The following PTPRN2 variants were observed in gnomAD, a reference collection of about 807,000 sequenced individuals.
PTPRN2 encodes the protein receptor-type tyrosine-protein phosphatase N2.
In PTPRN2, 74 loss-of-function variants were observed where a neutral mutation model predicts 118.8. The observed-to-expected ratio is 0.62, with a 90% confidence interval of 0.52 to 0.76. PTPRN2 has a LOEUF of 0.76. Among genes scored for constraint, PTPRN2 ranks in the 30% least tolerant of loss-of-function variants. PTPRN2 has a pLI of 0.00. For missense variants in PTPRN2, 1,481 were observed against 1,394.4 expected (o/e 1.06, Z -0.99); for synonymous variants, 641 against 608.0 (o/e 1.05, Z -0.80).
intron 11 of PTPRN2, among the ~76,000 whole-genome samples, chr7:157,943,397 C>T (rs1800268175): frequency 6.6e-6 from 1 of 152,136 alleles, no homozygotes; most frequent in South Asian, 2.1e-4. Flanking sequence ...CCTTTAAATT[C>T]AGTGACAGCC....
chr7:157,888,642 T>C (rs577960641), intron 12 of PTPRN2, among the ~76,000 whole-genome samples: 1 of 151,678 alleles, frequency 6.6e-6, no homozygotes, highest in African/African-American at 2.4e-5. Context: ...CTTTGTCATG[T>C]ACTGGCCTAC....
chr7:157,697,748 C>CATCTACCCAT (rs1797869568), intron 12 of PTPRN2, among the ~76,000 whole-genome samples: 1 of 142,478 alleles, frequency 7.0e-6, no homozygotes, highest in Non-Finnish European at 1.5e-5. Flanking sequence ...GAGCCCTCAC[C>CATCTACCCAT]GTCTACCCAT....
rs534750163 is a variant in PTPRN2 at position 158,149,411 on chromosome 7, A to T, written c.911-10896T>A. Among the ~76,000 whole-genome samples, 31 of 152,064 alleles carry T rather than the reference A, an allele frequency of 2.0e-4. 1 individual carries two copies. The South Asian group carries it at 5.8e-3, about 29-fold the overall frequency. ...TCAGTATAAACTCTTAAAACATAAA[A>T]TGTATAAGATGTTACCTTTTCTCAA... On this transcript the variant is annotated intron_variant, in intron 6 of 22. Coordinates refer to ENST00000389418, the MANE Select transcript of PTPRN2 (RefSeq NM_002847.5).
chr7:158,305,131 C>G (rs1026023138), intron 3 of PTPRN2, among the ~76,000 whole-genome samples: 1 of 152,100 alleles, frequency 6.6e-6, no homozygotes, highest in Admixed American at 6.5e-5. Flanking sequence ...TAAGGTGTGT[C>G]CAAACACCCC....
chr7:158,260,081 G>A (rs905478969), intron 3 of PTPRN2, among the ~76,000 whole-genome samples: 14 of 152,340 alleles, frequency 9.2e-5, no homozygotes, highest in East Asian at 3.9e-4. Flanking sequence ...GTGTATGTGC[G>A]TGCACGTCTG....
intron 3 of PTPRN2, among the ~76,000 whole-genome samples, chr7:158,310,570 G>A (rs563130316): frequency 6.6e-6 from 1 of 152,368 alleles, no homozygotes; most frequent in Non-Finnish European, 1.5e-5. Context: ...CCGGAGATGG[G>A]GGCTGGGTGG....
At chr7:157,701,293 G>C (rs1450046448) in intron 12 of PTPRN2, among the ~76,000 whole-genome samples, 1 of 152,214 alleles carries the variant, frequency 6.6e-6, no homozygotes, top group African/African-American at 2.4e-5. Flanking sequence ...TACAGACTCA[G>C]GCAGGCTTGG....
chr7:158,570,283 A>T lies in PTPRN2; in HGVS notation c.112+17275T>A, dbSNP rs976852094. On this transcript the variant is annotated intron_variant, in intron 1 of 22. Coordinates refer to ENST00000389418, the MANE Select transcript of PTPRN2 (RefSeq NM_002847.5). The surrounding 1 kb of genome is among the most constrained non-coding windows in gnomAD (Gnocchi z 4.5). The stretch of plus-strand genomic sequence containing the variant: ...CTCGCCCTGAGCAGCGCGCCGGGGT[A>T]TAAGGGACGCCCTCAGAGGCCTCCA... Among the ~76,000 whole-genome samples the T allele has an allele frequency of 6.6e-6, 1 of 152,210 alleles. No individual in the cohort carries two copies. Among genetic ancestry groups the T allele is most frequent in the Non-Finnish European group, 1.5e-5 (1 of 68,030 alleles).
chr7:158,354,492 C>CA (rs55861461), intron 2 of PTPRN2, among the ~76,000 whole-genome samples: 148,569 of 152,306 alleles, frequency 0.98, 72,474 homozygotes, highest in East Asian at 1. Flanking sequence ...AAGTTAACAA[C>CA]AGATTGAAAT....
intron 3 of PTPRN2, among the ~76,000 whole-genome samples, chr7:158,229,818 A>G (rs1318746279): frequency 6.6e-6 from 1 of 152,146 alleles, no homozygotes; most frequent in African/African-American, 2.4e-5. Context: ...AGGGGTAGAA[A>G]GCTTACTCAA....
In PTPRN2 at chr7:157,813,002, C is replaced by A. The variant is rs374101351; in HGVS notation, c.1788+85671G>T. On this transcript the variant is annotated intron_variant, in intron 12 of 22. Coordinates refer to ENST00000389418, the MANE Select transcript of PTPRN2 (RefSeq NM_002847.5). The surrounding 1 kb of genome is among the most constrained non-coding windows in gnomAD (Gnocchi z 4.7). ...CTCCCTAATTTCACCCGGACCACAG[C>A]CTCTGGATGAGCTTCTGTTAAAAAG... is the stretch of plus-strand genomic sequence containing the variant. Among the ~76,000 whole-genome samples the A allele has an allele frequency of 1.6e-4, 24 of 152,286 alleles. No homozygotes were observed. In the East Asian group the frequency reaches 3.5e-3, roughly 22 times the overall value.
intron 2 of PTPRN2, among the ~76,000 whole-genome samples, chr7:158,405,578 A>G (rs1000019191): frequency 6.6e-6 from 1 of 152,164 alleles, no homozygotes; most frequent in African/African-American, 2.4e-5. Flanking sequence ...CATGCACAAC[A>G]CTTTACTGCA....
At chr7:158,139,758 C>T (rs981172987) in intron 6 of PTPRN2, among the ~76,000 whole-genome samples, 1 of 152,182 alleles carries the variant, frequency 6.6e-6, no homozygotes, top group African/African-American at 2.4e-5. Context: ...CCGCCAGACA[C>T]CCTGCATGTC....
At position 157,831,336 on chromosome 7, in the gene PTPRN2, C is replaced by T. The variant is rs1201011349; in HGVS notation, c.1788+67337G>A. 6.6e-6 allele frequency among the ~76,000 whole-genome samples: 1 copy of T among 152,166 alleles called. No individual in the cohort carries two copies. The highest frequency in any genetic ancestry group is 1.5e-5 in the Non-Finnish European group (1 of 68,024). On this transcript the variant is annotated intron_variant, in intron 12 of 22. Coordinates refer to ENST00000389418, the MANE Select transcript of PTPRN2 (RefSeq NM_002847.5). The surrounding 1 kb of genome is among the most constrained non-coding windows in gnomAD (Gnocchi z 4.8). ...CTCCAGGTGTCCCGCCATGTGCAGC[C>T]GTGAATATCCTGTAGTCTAAGCCTT...
intron 11 of PTPRN2, among the ~76,000 whole-genome samples, chr7:157,942,424 C>T (rs1477749424): frequency 6.6e-6 from 1 of 152,202 alleles, no homozygotes; most frequent in Admixed American, 6.5e-5. Context: ...GGGAGTCAGG[C>T]AGCCTCAGCG....
At chr7:158,289,111 T>C (rs980379189) in intron 3 of PTPRN2, among the ~76,000 whole-genome samples, 4 of 152,212 alleles carry the variant, frequency 2.6e-5, no homozygotes, top group African/African-American at 7.2e-5. Flanking sequence ...CTCTTTGTCT[T>C]TGATTTTTGA....
chr7:157,721,817 C>T (rs574416987), intron 12 of PTPRN2, among the ~76,000 whole-genome samples: 122 of 152,302 alleles, frequency 8.0e-4, no homozygotes, highest in African/African-American at 9.4e-4. Context: ...CTGGGGCTCC[C>T]GCTGGAGGAT....
At chr7:158,218,278 G>T (rs74905681) in intron 3 of PTPRN2, among the ~76,000 whole-genome samples, 3 of 152,026 alleles carry the variant, frequency 2.0e-5, no homozygotes, top group Non-Finnish European at 4.4e-5. Flanking sequence ...GAGACTGGGG[G>T]CCCTATTTTC....
At chr7:158,271,027 G>C (rs866143343) in intron 3 of PTPRN2, among the ~76,000 whole-genome samples, 1,618 of 57,406 alleles carry the variant, frequency 0.028, 1 homozygote, top group Non-Finnish European at 0.033. Context: ...CCACCTGGAC[G>C]GCCCCCTCCA....
Sources: gnomAD v4.1 joint callset for allele counts (sites outside exome capture counted in the v4.1 genomes callset) on GRCh38, gnomAD v4.1.1 for gene constraint, Gnocchi (gnomAD v3.1) non-coding constraint, MANE v1.5 for transcripts, NCBI Gene and HGNC (gene_info 2026-07-23, HGNC 2026-07-21) for gene names.